The following STX16 variants were observed in gnomAD, a reference collection of about 807,000 sequenced individuals.
The protein encoded by STX16 is syntaxin 16.
In STX16, 28 loss-of-function variants were observed where a neutral mutation model predicts 42.7. The observed-to-expected ratio is 0.66, with a 90% confidence interval of 0.49 to 0.90. The LOEUF is 0.90. Ranked by LOEUF, STX16 falls within the 40% of genes least tolerant of loss-of-function variation. STX16 has a pLI of 0.00. For synonymous variants in STX16, 156 were observed against 155.2 expected, an observed-to-expected ratio of 1.00 and a Z score of -0.04; for missense variants, 361 against 420.9, an observed-to-expected ratio of 0.86 and a Z score of 1.24.
At position 58,668,184 on chromosome 20, in the gene STX16, G is replaced by T. The variant is rs113495095; in HGVS notation, c.393+57G>T. ...AGCGAGCCTTCTCATGGCAATCTCAGAAACTAGAGTGTTACTCAGAATCAG... is the reference window on the plus strand; with the variant it reads ...AGCGAGCCTTCTCATGGCAATCTCATAAACTAGAGTGTTACTCAGAATCAG... On this transcript the variant is annotated intron_variant, in intron 4 of 8. Coordinates refer to ENST00000371141, the MANE Select transcript of STX16 (RefSeq NM_001001433.3). 5.0e-5 allele frequency: 80 copies of T among 1,599,208 alleles called. 2 individuals carry two copies. The African/African-American group carries it at 6.2e-4, about 12-fold the overall frequency.
chr20:58,652,556 T>G (rs1161208476), intron 1 of STX16, among the ~76,000 whole-genome samples: 1 of 151,934 alleles, frequency 6.6e-6, no homozygotes, highest in South Asian at 2.1e-4. Flanking sequence ...GGTCGCCGGA[T>G]CGTAGACCCA....
rs1267323548 is a variant in STX16 at position 58,679,263 on chromosome 20, ATTAT to A, written c.*2979_*2982del. ...TGCTAATTGAGAGAGCGTTATTTACATTATTTATTTGTTTTGACACAAGTGCTTT... is the reference window on the plus strand; with the variant it reads ...TGCTAATTGAGAGAGCGTTATTTACATTATTTGTTTTGACACAAGTGCTTT... On this transcript the variant is annotated 3_prime_UTR_variant, in exon 9 of 9. Transcript: ENST00000371141. 4 of 152,570 alleles carry A rather than the reference ATTAT, an allele frequency of 2.6e-5. No homozygotes were observed. Among genetic ancestry groups the A allele is most frequent in the African/African-American group, 4.8e-5 (2 of 41,442 alleles). 9.5% of individuals were successfully genotyped at this position (152,570 alleles called of 1,614,324 possible). A position where few individuals can be genotyped will look rare whatever the true frequency, so the allele number is the denominator to read the frequency against.
At chr20:58,654,638 AAAGCCTT>A (rs1448103991) in intron 1 of STX16, among the ~76,000 whole-genome samples, 5 of 152,240 alleles carry the variant, frequency 3.3e-5, no homozygotes, top group Non-Finnish European at 5.9e-5. Context: ...CAAAAAATTT[AAAGCCTT>A]GTTTCTGACT....
chr20:58,652,381 C>CA, intron 1 of STX16: 2 of 588,158 alleles, frequency 3.4e-6, no homozygotes, highest in Non-Finnish European at 6.2e-6. Flanking sequence ...ACCCCCCCCC[C>CA]CGCACCCCCC....
At chr20:58,674,369 G>A (rs2084053197) in intron 8 of STX16, among the ~76,000 whole-genome samples, 1 of 152,154 alleles carries the variant, frequency 6.6e-6, no homozygotes, top group East Asian at 1.9e-4. Flanking sequence ...AAACGGCTGA[G>A]ACTCTCATAT....
In STX16 at chr20:58,670,556, T is replaced by C; in HGVS notation, c.601T>C (p.Ser201Pro). ...AAGATCCCAGCATTTTTTCGACACA[T>C]CAGTACCACTAATGGATGATGGAGA... The part of the protein sequence containing the change: ...EERSQHFFDT[S>P]VPLMDDGDDN... The change falls in exon 6 of 9, where the codon TCA (serine) becomes CCA (proline). Residue 201 changes from serine to proline, a missense_variant. Coordinates refer to ENST00000371141, the MANE Select transcript of STX16 (RefSeq NM_001001433.3). 1 of 1,614,124 alleles carries C rather than the reference T, an allele frequency of 6.2e-7. No individual in the cohort carries two copies. Among genetic ancestry groups the C allele is most frequent in the Non-Finnish European group, 8.5e-7 (1 of 1,180,008 alleles).
In STX16 at chr20:58,668,063, C is replaced by T. The variant is rs1568823555; in HGVS notation, c.329C>T (p.Pro110Leu). 6.2e-7 allele frequency: 1 copy of T among 1,614,162 alleles called. No homozygotes were observed. Among genetic ancestry groups the T allele is most frequent in the Non-Finnish European group, 8.5e-7 (1 of 1,180,046 alleles). Residue 110 changes from proline (P) to leucine (L), a missense_variant, in exon 4 of 9, where the codon CCC becomes CTC. Physicochemically the swap from Pro to Leu is moderately conservative, Grantham distance 98. Transcript: ENST00000371141. ...ASLHDKHLNR[P>L]TLDDSSEEEH... Reference sequence around the variant, plus strand: ...CTTCATGACAAGCATTTAAACAGACCCACCCTGGATGACAGCAGCGAAGAG... The same window carrying T: ...CTTCATGACAAGCATTTAAACAGACTCACCCTGGATGACAGCAGCGAAGAG...
rs181291245 is a variant in STX16, at chr20:58,663,740, C to T, written c.145-3750C>T. On this transcript the variant is annotated intron_variant, in intron 2 of 8. Coordinates refer to ENST00000371141, the MANE Select transcript of STX16 (RefSeq NM_001001433.3). The stretch of plus-strand genomic sequence containing the variant: ...AATAAAAGGCTGGAGCACATTGGCA[C>T]GATCTTGGCTCACTGCAACTTCTGC... Among the ~76,000 whole-genome samples the T allele has an allele frequency of 4.6e-3, 695 of 152,142 alleles. 5 individuals are homozygous for T. Among genetic ancestry groups the T allele is most frequent in the Admixed American group, 8.9e-3 (136 of 15,280 alleles).
intron 5 of STX16, 150 bp downstream of exon 5, chr20:58,669,603 TC>T: frequency 2.9e-6 from 3 of 1,019,670 alleles, no homozygotes; most frequent in Non-Finnish European, 2.7e-6. Context: ...GGAAGCCTCC[TC>T]CCCATGTGAA....
At chr20:58,661,419 G>A (rs1381579415) in intron 2 of STX16, among the ~76,000 whole-genome samples, 3 of 152,194 alleles carry the variant, frequency 2.0e-5, no homozygotes, top group Non-Finnish European at 2.9e-5. Flanking sequence ...GAGTCTTCAC[G>A]CTCTGTGATC....
At chr20:58,667,423 G>T (rs1380749308) in intron 2 of STX16, 67 bp from the exon 3 acceptor site, 1 of 1,238,262 alleles carries the variant, frequency 8.1e-7, no homozygotes, top group Non-Finnish European at 1.2e-6. Flanking sequence ...ATTTAAGAGA[G>T]AGTAAGAGTA....
intron 1 of STX16, among the ~76,000 whole-genome samples, chr20:58,653,783 A>G (rs2083526250): frequency 6.6e-6 from 1 of 152,152 alleles, no homozygotes; most frequent in South Asian, 2.1e-4. Context: ...TTTAATTGAA[A>G]AACATATTGT....
At chr20:58,652,676 C>T (rs1406073104) in intron 1 of STX16, among the ~76,000 whole-genome samples, 2 of 152,096 alleles carry the variant, frequency 1.3e-5, no homozygotes, top group African/African-American at 2.4e-5. Context: ...CCGCAGCCCT[C>T]TGTGTGGCCT....
At chr20:58,674,647 G>A (rs1419687226) in intron 8 of STX16, among the ~76,000 whole-genome samples, 1 of 152,184 alleles carries the variant, frequency 6.6e-6, no homozygotes, top group Admixed American at 6.5e-5. Flanking sequence ...TTTTCAGGGG[G>A]CTTGTTGCCA....
intron 1 of STX16, among the ~76,000 whole-genome samples, chr20:58,653,158 G>A (rs1424872469): frequency 6.6e-6 from 1 of 152,160 alleles, no homozygotes; most frequent in African/African-American, 2.4e-5. Flanking sequence ...TGGAACAGGC[G>A]GGAAATAGCC....
Position 58,679,220 on chromosome 20 carries a change from C to G in STX16, c.*2929C>G, listed in dbSNP as rs1318261008. On this transcript the variant is annotated 3_prime_UTR_variant, in exon 9 of 9. Coordinates refer to ENST00000371141, the MANE Select transcript of STX16 (RefSeq NM_001001433.3). ...GAAGTGATGTGTGTCTCTGATTTAA[C>G]GGATTCACTGTTTTCTCTGCTAATT... 6.6e-6 allele frequency: 1 copy of G among 152,476 alleles called. No homozygotes were observed. Among genetic ancestry groups the G allele is most frequent in the Non-Finnish European group, 1.5e-5 (1 of 68,036 alleles). 9.4% of individuals were successfully genotyped at this position (152,476 alleles called of 1,614,324 possible).
intron 7 of STX16, 88 bp downstream of exon 7, chr20:58,671,385 T>C: frequency 2.8e-6 from 4 of 1,406,576 alleles, no homozygotes; most frequent in Admixed American, 4.3e-5. Flanking sequence ...GGGAAAAAAA[T>C]TGGAGCCAAT....
chr20:58,676,409 G>T lies in STX16; in HGVS notation c.*118G>T. On this transcript the variant is annotated 3_prime_UTR_variant, in exon 9 of 9. Coordinates refer to ENST00000371141, the MANE Select transcript of STX16 (RefSeq NM_001001433.3). The stretch of plus-strand genomic sequence containing the variant: ...CCTCGAGGAATCTGAGGGCGTCGGG[G>T]CAGCGAACCTTTGCATCCACGGACT... The T allele has an allele frequency of 1.2e-6, 1 of 865,758 alleles. No homozygotes were observed. The highest frequency in any genetic ancestry group is 1.5e-5 in the South Asian group (1 of 67,022). The allele number at this position is 865,758 out of a possible 1,614,324, so 53.6% of individuals were successfully genotyped here.
At chr20:58,676,007 T>C (rs2123030111) in intron 8 of STX16, among the ~76,000 whole-genome samples, 180 bp from the exon 9 acceptor site, 3 of 152,292 alleles carry the variant, frequency 2.0e-5, no homozygotes, top group Middle Eastern at 3.4e-3. Context: ...ATCATGGGGC[T>C]CTTCCACTCC....
Sources: gnomAD v4.1 joint callset for allele counts (sites outside exome capture counted in the v4.1 genomes callset) on GRCh38, gnomAD v4.1.1 for gene constraint, MANE v1.5 for transcripts, NCBI Gene and HGNC (gene_info 2026-07-23, HGNC 2026-07-21) for gene names.